GPR135: variants seen among roughly 807,000 people sequenced by gnomAD.
GPR135 encodes the protein G-protein coupled receptor 135.
GPR135 carries 17 observed loss-of-function variants against 15.0 expected under a neutral mutation model. The observed-to-expected ratio is 1.13, with a 90% confidence interval of 0.78 to 1.70. GPR135 has a LOEUF of 1.70. Ranked by LOEUF, GPR135 falls within the 40% of genes most tolerant of loss-of-function variation. The pLI is 0.00. For missense variants in GPR135, 776 were observed against 727.0 expected (o/e 1.07, Z -0.78); for synonymous variants, 368 against 349.4 (o/e 1.05, Z -0.59).
chr14:59,453,665 G>A (rs1888561790), intron 6 of GPR135, among the ~76,000 whole-genome samples: 1 of 152,168 alleles, frequency 6.6e-6, no homozygotes, highest in South Asian at 2.1e-4. Context: ...CAAGTCCATT[G>A]AAATTAGTGA....
At position 59,463,254 on chromosome 14, in the gene GPR135, A is replaced by T. The variant is rs1024841589; in HGVS notation, c.*488T>A. 1 of 157,624 alleles carries T rather than the reference A, an allele frequency of 6.3e-6. No individual in the cohort carries two copies. The highest frequency in any genetic ancestry group is 1.4e-5 in the Non-Finnish European group (1 of 71,394). 9.8% of individuals were successfully genotyped at this position (157,624 alleles called of 1,614,324 possible). On this transcript the variant is annotated 3_prime_UTR_variant, in exon 1 of 1. Transcript: ENST00000395116. ...GTGCACCAATGTGTGTAAGGATAAG[A>T]CTTTTCCACTTGCAATCTAAGCACC...
Position 59,465,025 on chromosome 14 carries a change from C to G in GPR135, c.202G>C (p.Gly68Arg). 7.5e-7 allele frequency: 1 copy of G among 1,334,098 alleles called. No homozygotes were observed. The highest frequency in any genetic ancestry group is 2.2e-5 in the South Asian group (1 of 45,954). The allele number at this position is 1,334,098 out of a possible 1,614,324, so 82.6% of individuals were successfully genotyped here. A position where few individuals can be genotyped will look rare whatever the true frequency, so the allele number is the denominator to read the frequency against. The change falls in exon 1 of 1, where the codon GGT becomes CGT. Residue 68 changes from glycine to arginine, a missense_variant. By Grantham distance (125) the Gly-to-Arg change is moderately radical. Coordinates refer to ENST00000395116, the MANE Select transcript of GPR135 (RefSeq NM_022571.6). ...ASGGGTAAAP[G>R]GGGLGGSGAA... The stretch of plus-strand genomic sequence containing the variant: ...CCGGACCCGCCAAGGCCGCCGCCAC[C>G]GGGAGCGGCAGCTGTGCCGCCTCCG...
In GPR135 at chr14:59,464,119, C is replaced by G; in HGVS notation, c.1108G>C (p.Val370Leu). Residue 370 changes from valine (V) to leucine (L), a missense_variant, in exon 1 of 1, where the codon GTG becomes CTG. Physicochemically the swap from Val to Leu is conservative, Grantham distance 32. Coordinates refer to ENST00000395116, the MANE Select transcript of GPR135 (RefSeq NM_022571.6). ...GCCCAGGTCAGCCAGACGGCCACCA[C>G]GCTGAGGAGCGAGGGGGCCTGCATG... ...QTMQAPSLLS[V>L]VAVWLTWANG... 6.2e-7 allele frequency: 1 copy of G among 1,610,924 alleles called. No homozygotes were observed. Among genetic ancestry groups the G allele is most frequent in the Non-Finnish European group, 8.5e-7 (1 of 1,179,906 alleles).
rs771343887 is a variant in GPR135, at chr14:59,464,060, G to A, written c.1167C>T (p.Ile389=). 9 of 1,613,322 alleles carry A rather than the reference G, an allele frequency of 5.6e-6. No homozygotes were observed. The highest frequency in any genetic ancestry group is 5.0e-5 in the Admixed American group (3 of 60,016). The part of the protein sequence containing the change: ...NGAINPVIYA[I]RNPNISMLLG... Reference sequence around the variant, plus strand: ...GGAGCATCGAAATGTTGGGATTGCGGATGGCGTAGATGACAGGGTTGATGG... The same window carrying A: ...GGAGCATCGAAATGTTGGGATTGCGAATGGCGTAGATGACAGGGTTGATGG... Residue 389 remains isoleucine, a synonymous_variant, in exon 1 of 1, where the codon ATC becomes ATT. Transcript: ENST00000395116.
In GPR135 at chr14:59,464,413, G is replaced by T; in HGVS notation, c.814C>A (p.Gln272Lys). The change falls in exon 1 of 1, where the codon CAG becomes AAG. Residue 272 changes from glutamine to lysine, a missense_variant. Gln to Lys is a moderately conservative substitution (Grantham distance 53). Transcript: ENST00000395116. The part of the protein sequence containing the change: ...CLYRTSPDPA[Q>K]LGAAFSVGLV... ...CCCACGCTGAAGGCCGCGCCCAGCT[G>T]CGCGGGGTCCGGGGAGGTCCGGTAG... The T allele has an allele frequency of 6.3e-7, 1 of 1,591,556 alleles. No homozygotes were observed.
At chr14:59,457,528 C>G (rs1378784436), downstream of GPR135, among the ~76,000 whole-genome samples, 1 of 151,972 alleles carries the variant, frequency 6.6e-6, no homozygotes, top group Non-Finnish European at 1.5e-5. Context: ...CTCTGTTGTT[C>G]AGCTTACATA....
In GPR135 at chr14:59,464,952, T is replaced by C. The variant is rs965875898; in HGVS notation, c.275A>G (p.Glu92Gly). ...TCCGTGCGACAGCAGCGGCGCCGCCTCCGGGCCTAGCGGCCGCCTCACCGC... is the reference window on the plus strand; with the variant it reads ...TCCGTGCGACAGCAGCGGCGCCGCCCCCGGGCCTAGCGGCCGCCTCACCGC... ...GAAVRRPLGP[E>G]AAPLLSHGAA... The change falls in exon 1 of 1, where the codon GAG becomes GGG. Residue 92 changes from glutamate (E) to glycine (G), a missense_variant. Transcript: ENST00000395116. 6.5e-7 allele frequency: 1 copy of C among 1,529,208 alleles called. No individual in the cohort carries two copies. The highest frequency in any genetic ancestry group is 8.8e-7 in the Non-Finnish European group (1 of 1,141,282). The allele number at this position is 1,529,208 out of a possible 1,614,324, so 94.7% of individuals were successfully genotyped here.
At chr14:59,460,723 A>T (rs866606598), downstream of GPR135, 5 of 152,252 alleles carry the variant, frequency 3.3e-5, no homozygotes, top group Middle Eastern at 3.2e-3. Flanking sequence ...GAAATACCCA[A>T]ACTGGGAGCA....
At chr14:59,457,073 C>G (rs1284451969), downstream of GPR135, among the ~76,000 whole-genome samples, 7 of 152,142 alleles carry the variant, frequency 4.6e-5, no homozygotes, top group African/African-American at 1.7e-4. Context: ...GATAGTTTGG[C>G]TAAATATAGG....
chr14:59,464,563 C>A lies in GPR135; in HGVS notation c.664G>T (p.Gly222Cys), dbSNP rs375838132. Residue 222 changes from glycine (G) to cysteine (C), a missense_variant, in exon 1 of 1, where the codon GGC (glycine) becomes TGC (cysteine). By Grantham distance (159) the Gly-to-Cys change is radical (BLOSUM62 -3). Coordinates refer to ENST00000395116, the MANE Select transcript of GPR135 (RefSeq NM_022571.6). ...AGCAGCTGCAGCGCGCGGCGGCGGC[C>A]GATCTTCTCCCGCGGCGGCCGCACG... ...AIVRPPREKI[G>C]RRRALQLLAG... The A allele has an allele frequency of 6.4e-7, 1 of 1,570,604 alleles. No homozygotes were observed. The highest frequency in any genetic ancestry group is 8.6e-7 in the Non-Finnish European group (1 of 1,168,402).
downstream of GPR135, among the ~76,000 whole-genome samples, chr14:59,455,967 G>A (rs1311255147): frequency 2.0e-5 from 3 of 152,178 alleles, no homozygotes; most frequent in Non-Finnish European, 4.4e-5. Context: ...CTGGCAATAA[G>A]ATGTAATCAG....
In GPR135 at chr14:59,464,345, G is replaced by A. The variant is rs1231754296; in HGVS notation, c.882C>T (p.Cys294=). The A allele has an allele frequency of 1.2e-6, 2 of 1,609,660 alleles. No homozygotes were observed. Among genetic ancestry groups the A allele is most frequent in the South Asian group, 2.2e-5 (2 of 90,720 alleles). The part of the protein sequence containing the change: ...ACYLLPFLLM[C]FCHYHICKTV... ...TCTTGCAGATGTGGTAGTGGCAGAA[G>A]CACATGAGCAGGAAGGGCAGCAGGT... The change falls in exon 1 of 1, where the codon TGC becomes TGT. Residue 294 remains cysteine, a synonymous_variant. Transcript: ENST00000395116.
rs1594897582 is a variant in GPR135, at chr14:59,464,646, A to C, written c.581T>G (p.Phe194Cys). 6.3e-7 allele frequency: 1 copy of C among 1,597,382 alleles called. No individual in the cohort carries two copies. The change falls in exon 1 of 1, where the codon TTC becomes TGC. Residue 194 changes from phenylalanine (F) to cysteine (C), a missense_variant. By Grantham distance (205) the Phe-to-Cys change is radical (BLOSUM62 -2). Transcript: ENST00000395116. ...CACGCTGAGCGTGGACACGATGCCG[A>C]AGCACGAGCTGAAGAAGCGGCTGGC... is the stretch of plus-strand genomic sequence containing the variant. ...CAASRFFSSC[F>C]GIVSTLSVAL...
In GPR135 at chr14:59,464,524, G is replaced by C; in HGVS notation, c.703C>G (p.Leu235Val). The C allele has an allele frequency of 1.3e-6, 2 of 1,540,510 alleles. No homozygotes were observed. Among genetic ancestry groups the C allele is most frequent in the Non-Finnish European group, 1.7e-6 (2 of 1,153,912 alleles). Residue 235 changes from leucine to valine, a missense_variant, in exon 1 of 1, where the codon CTG (leucine) becomes GTG (valine). By Grantham distance (32) the Leu-to-Val change is conservative (BLOSUM62 1). Coordinates refer to ENST00000395116, the MANE Select transcript of GPR135 (RefSeq NM_022571.6). ...RALQLLAGAWLTALGFSLPWE... is the reference protein window; with the variant it reads ...RALQLLAGAWVTALGFSLPWE... Reference sequence around the variant, plus strand: ...GGCAAGGAGAAGCCCAGGGCCGTCAGCCAGGCGCCCGCCAGCAGCTGCAGC... The same window carrying C: ...GGCAAGGAGAAGCCCAGGGCCGTCACCCAGGCGCCCGCCAGCAGCTGCAGC...
Position 59,465,050 on chromosome 14 carries a change from G to A in GPR135, c.177C>T (p.Ser59=). The A allele has an allele frequency of 7.4e-7, 1 of 1,353,338 alleles. No individual in the cohort carries two copies. The highest frequency in any genetic ancestry group is 9.5e-7 in the Non-Finnish European group (1 of 1,055,422). 83.8% of individuals were successfully genotyped at this position (1,353,338 alleles called of 1,614,324 possible). Residue 59 remains serine, a synonymous_variant, in exon 1 of 1, where the codon AGC becomes AGT. Transcript: ENST00000395116. ...CGGGAGCGGCAGCTGTGCCGCCTCC[G>A]CTTGCGTCGCTCAGGTTCCCCAGCG... ...TAALGNLSDA[S]GGGTAAAPGG...
At position 59,464,893 on chromosome 14, in the gene GPR135, G is replaced by C; in HGVS notation, c.334C>G (p.Leu112Val). 1 of 1,605,472 alleles carries C rather than the reference G, an allele frequency of 6.2e-7. No homozygotes were observed. Among genetic ancestry groups the C allele is most frequent in the Non-Finnish European group, 8.5e-7 (1 of 1,176,988 alleles). Residue 112 changes from leucine to valine, a missense_variant, in exon 1 of 1, where the codon CTC (leucine) becomes GTC (valine). Transcript: ENST00000395116. The part of the protein sequence containing the change: ...AVAAQALVLL[L>V]IFLLSSLGNC... ...CCAAGGCTAGACAGCAGGAAGATGA[G>C]CAGGAGGACGAGCGCCTGGGCCGCC...
chr14:59,456,099 G>A (rs1888643970), downstream of GPR135, among the ~76,000 whole-genome samples: 1 of 152,128 alleles, frequency 6.6e-6, no homozygotes, highest in Non-Finnish European at 1.5e-5. Context: ...AAGTCATCTT[G>A]CAAACATATG....
In GPR135 at chr14:59,463,712, T is replaced by C. The variant is rs2139775077; in HGVS notation, c.*30A>G. ...TCATTAAATAATGCGAGTGGAAATT[T>C]GCCTTCATAAGCTGGCCATTCCAAC... On this transcript the variant is annotated 3_prime_UTR_variant, in exon 1 of 1. Coordinates refer to ENST00000395116, the MANE Select transcript of GPR135 (RefSeq NM_022571.6). The C allele has an allele frequency of 1.3e-6, 2 of 1,524,314 alleles. No homozygotes were observed. The highest frequency in any genetic ancestry group is 4.5e-5 in the East Asian group (2 of 44,006). 94.4% of individuals were successfully genotyped at this position (1,524,314 alleles called of 1,614,324 possible). A position where few individuals can be genotyped will look rare whatever the true frequency, so the allele number is the denominator to read the frequency against.
At position 59,463,527 on chromosome 14, in the gene GPR135, TTTAAGA is replaced by T. The variant is rs1888945710; in HGVS notation, c.*209_*214del. The T allele has an allele frequency of 5.3e-6, 3 of 568,702 alleles. No homozygotes were observed. Among genetic ancestry groups the T allele is most frequent in the South Asian group, 2.5e-5 (1 of 40,342 alleles). 35.2% of individuals were successfully genotyped at this position (568,702 alleles called of 1,614,324 possible). On this transcript the variant is annotated 3_prime_UTR_variant, in exon 1 of 1. Transcript: ENST00000395116. ...CAGTTCACAATGCTTGGTTATGTGG[TTTAAGA>T]TTGTTTTAATTTTTGCATTTTACAT...
Sources: gnomAD v4.1 joint callset for allele counts (sites outside exome capture counted in the v4.1 genomes callset) on GRCh38, gnomAD v4.1.1 for gene constraint, MANE v1.5 for transcripts, NCBI Gene and HGNC (gene_info 2026-07-23, HGNC 2026-07-21) for gene names.